DHRS12: variants seen among roughly 807,000 people sequenced by gnomAD.
DHRS12 encodes the protein dehydrogenase/reductase SDR family member 12.
A neutral mutation model predicts 32.1 loss-of-function variants in DHRS12; 29 were observed. The ratio of observed to expected loss-of-function variants is 0.90; its 90% CI spans 0.67 to 1.23. The LOEUF is 1.23. DHRS12 is among the 50% of genes most tolerant of loss of function. The pLI is 0.00. For synonymous variants in DHRS12, 150 were observed against 135.9 expected, an observed-to-expected ratio of 1.10 and a Z score of -0.72; for missense variants, 330 against 337.2, an observed-to-expected ratio of 0.98 and a Z score of 0.17.
intron 6 of DHRS12, chr13:51,772,996 C>T (rs551992561): frequency 2.0e-6 from 2 of 985,456 alleles, no homozygotes; most frequent in Non-Finnish European, 1.2e-6. Context: ...ACAAGGAAGG[C>T]GGAGGGTGCT....
intron 2 of DHRS12, among the ~76,000 whole-genome samples, chr13:51,792,682 G>C (rs893912370): frequency 6.6e-6 from 1 of 152,118 alleles, no homozygotes; most frequent in Non-Finnish European, 1.5e-5. Flanking sequence ...TTACGGGCAT[G>C]AGCCACCGTG....
At chr13:51,772,139 C>T (rs117777599) in intron 6 of DHRS12, among the ~76,000 whole-genome samples, 124 of 152,268 alleles carry the variant, frequency 8.1e-4, no homozygotes, top group South Asian at 1.4e-3. Context: ...TGAGCTAACG[C>T]AGCAAAACAC....
intron 5 of DHRS12, 187 bp from the exon 6 acceptor site, chr13:51,774,221 C>T: frequency 1.7e-6 from 1 of 571,820 alleles, no homozygotes; most frequent in South Asian, 2.1e-5. Context: ...TATTCTCCTA[C>T]AGTACATGTA....
chr13:51,800,376 C>G (rs1298859786), intron 1 of DHRS12, among the ~76,000 whole-genome samples: 2 of 152,218 alleles, frequency 1.3e-5, no homozygotes, highest in Non-Finnish European at 2.9e-5. Context: ...TTTTCCCATT[C>G]CTTTTGCGAT....
chr13:51,777,215 C>A, intron 4 of DHRS12, 94 bp from the exon 5 acceptor site: 1 of 1,451,464 alleles, frequency 6.9e-7, no homozygotes, highest in Non-Finnish European at 9.6e-7. Context: ...TGCCCGCACC[C>A]GCCCCCCACA....
chr13:51,791,996 C>G (rs1955295837), intron 2 of DHRS12, among the ~76,000 whole-genome samples: 3 of 152,216 alleles, frequency 2.0e-5, no homozygotes, highest in Admixed American at 2.0e-4. Flanking sequence ...GTCCATTCTT[C>G]TGTCGATGGA....
In DHRS12 at chr13:51,777,067, G is replaced by T. The variant is rs1298732177; in HGVS notation, c.356C>A (p.Pro119His). Residue 119 changes from proline to histidine, a missense_variant, in exon 5 of 9, where the codon CCC (proline) becomes CAC (histidine). Physicochemically the swap from Pro to His is moderately conservative, Grantham distance 77. Transcript: ENST00000444610. The part of the protein sequence containing the change: ...LIPVLEKEHD[P>H]RVITVSSGGM... Reference sequence around the variant, plus strand: ...CCCATAAGGTCAACTCACCACTCGGGGGTCGTGTTCTTTCTCCAGCACAGG... The same window carrying T: ...CCCATAAGGTCAACTCACCACTCGGTGGTCGTGTTCTTTCTCCAGCACAGG... The T allele has an allele frequency of 6.2e-7, 1 of 1,613,918 alleles. No homozygotes were observed. The highest frequency in any genetic ancestry group is 8.5e-7 in the Non-Finnish European group (1 of 1,179,968).
At chr13:51,790,208 G>A (rs1955203728) in intron 3 of DHRS12, 116 bp from the exon 4 acceptor site, 1 of 728,642 alleles carries the variant, frequency 1.4e-6, no homozygotes, top group South Asian at 2.1e-5. Context: ...AAGTGACAAT[G>A]ACAATTTGCT....
rs543046452 is a variant in DHRS12 at position 51,782,594 on chromosome 13, C to T, written c.302-5473G>A. ...GGAGTGAGCTGCAGGATGCCCGGGA[C>T]TCGGGGACCATGAGAGGCTGGTGGA... On this transcript the variant is annotated intron_variant, in intron 4 of 8. Transcript: ENST00000444610. This position sits in a 1 kb window ranked among gnomAD's most constrained non-coding sequence, Gnocchi z 4.2. Among the ~76,000 whole-genome samples the T allele has an allele frequency of 1.3e-5, 2 of 152,268 alleles. No individual in the cohort carries two copies. Among genetic ancestry groups the T allele is most frequent in the South Asian group, 4.1e-4 (2 of 4,826 alleles).
At chr13:51,768,708 C>T (rs1953868149) in intron 8 of DHRS12, 14 of 1,126,240 alleles carry the variant, frequency 1.2e-5, no homozygotes, top group East Asian at 1.2e-4. Context: ...TCCACTCACA[C>T]GCCTGCCCCC....
the DHRS12 span, chr13:51,756,402 T>A: frequency 3.3e-5 from 53 of 1,614,018 alleles, no homozygotes; most frequent in South Asian, 3.5e-4. Flanking sequence ...ATCCCCCTGA[T>A]GGGCTTCGAG....
the DHRS12 span, chr13:51,755,299 T>C: frequency 6.6e-7 from 1 of 1,505,368 alleles, no homozygotes; most frequent in South Asian, 1.1e-5. Flanking sequence ...TCAGGGTCAG[T>C]GGTTTCCATT....
chr13:51,759,372 C>T, the DHRS12 span, among the ~76,000 whole-genome samples: 5 of 152,122 alleles, frequency 3.3e-5, no homozygotes, highest in Non-Finnish European at 1.5e-5. Context: ...TCTATATTGT[C>T]GCTTTCATGT....
chr13:51,787,751 T>A (rs1296765537), intron 4 of DHRS12, among the ~76,000 whole-genome samples: 1 of 130,878 alleles, frequency 7.6e-6, no homozygotes, highest in East Asian at 2.0e-4. Flanking sequence ...TATTATATAT[T>A]TTTATATATA....
At chr13:51,801,915 G>A (rs1186173130) in intron 1 of DHRS12, among the ~76,000 whole-genome samples, 1 of 152,154 alleles carries the variant, frequency 6.6e-6, no homozygotes, top group African/African-American at 2.4e-5. Context: ...TGTTTGCTGA[G>A]GCTGGCTCCT....
the DHRS12 span, chr13:51,760,188 C>T: frequency 6.4e-6 from 1 of 156,944 alleles, no homozygotes; most frequent in Non-Finnish European, 1.4e-5. Context: ...GTCACGTGGC[C>T]AGCGGCTTTT....
chr13:51,799,405 T>C, intron 2 of DHRS12, 129 bp downstream of exon 2: 1 of 1,377,532 alleles, frequency 7.3e-7, no homozygotes, highest in Non-Finnish European at 9.8e-7. Flanking sequence ...CTGGCAGCTG[T>C]GCCCAGAACC....
intron 2 of DHRS12, among the ~76,000 whole-genome samples, chr13:51,795,523 C>T (rs1385354035): frequency 6.6e-6 from 1 of 152,212 alleles, no homozygotes; most frequent in Non-Finnish European, 1.5e-5. Flanking sequence ...ATCTAACAGA[C>T]ACCTCTTTCA....
In DHRS12 at chr13:51,804,064, C is replaced by G; in HGVS notation, c.-19G>C. ...GCCGCGCCGCCTTACTTGGTGTACT[C>G]GCGCAGCCCCTTGGCGAACCACACG... On this transcript the variant is annotated 5_prime_UTR_variant, in exon 1 of 9. Transcript: ENST00000444610. 1.3e-6 allele frequency: 2 copies of G among 1,486,704 alleles called. No homozygotes were observed. Among genetic ancestry groups the G allele is most frequent in the East Asian group, 5.8e-5 (2 of 34,402 alleles). 92.1% of individuals were successfully genotyped at this position (1,486,704 alleles called of 1,614,324 possible). A position where few individuals can be genotyped will look rare whatever the true frequency, so the allele number is the denominator to read the frequency against.
Sources: allele counts gnomAD v4.1 joint callset (sites outside exome capture counted in the v4.1 genomes callset), GRCh38; gene constraint gnomAD v4.1.1; non-coding constraint Gnocchi (gnomAD v3.1); transcripts MANE v1.5; gene names NCBI Gene and HGNC (gene_info 2026-07-23, HGNC 2026-07-21).